NUDC: variants seen among roughly 807,000 people sequenced by gnomAD.
The protein encoded by NUDC is nuclear distribution C, dynein complex regulator.
Under a neutral mutation model 45.0 loss-of-function variants are expected in NUDC, and 14 were observed. That is an observed-to-expected ratio of 0.31 (90% CI 0.21 to 0.49). NUDC has a LOEUF of 0.49. Among genes scored for constraint, NUDC ranks in the 20% least tolerant of loss-of-function variants. The pLI is 0.99. For missense variants in NUDC, 323 were observed against 426.2 expected (o/e 0.76, Z 2.13); for synonymous variants, 153 against 156.7 (o/e 0.98, Z 0.17).
chr1:26,934,942 C>A (rs1179040660), intron 2 of NUDC, among the ~76,000 whole-genome samples: 2 of 151,680 alleles, frequency 1.3e-5, no homozygotes, highest in African/African-American at 4.8e-5. Flanking sequence ...CAGGCGTGAA[C>A]CACCGCGCCC....
At chr1:26,901,704 C>G (rs1183393351) in intron 1 of NUDC, among the ~76,000 whole-genome samples, 3 of 152,046 alleles carry the variant, frequency 2.0e-5, no homozygotes, top group African/African-American at 7.2e-5. Flanking sequence ...CGCACCCGGC[C>G]CTCTTTGTAC....
rs371814052 is a variant in NUDC, at chr1:26,945,598, A to G, written c.856A>G (p.Met286Val). Residue 286 changes from methionine to valine, a missense_variant, in exon 8 of 9, where the codon ATG becomes GTG. Met to Val is a conservative substitution (Grantham distance 21, BLOSUM62 1). This residue lies in a region of NUDC where 54 missense variants were observed against 100.2 expected (regional missense o/e 0.54). Transcript: ENST00000321265. ...AGACCTGGACAGTGAGACTCGCAGCATGGTGGAAAAGATGATGTATGACCA... is the reference window on the plus strand; with the variant it reads ...AGACCTGGACAGTGAGACTCGCAGCGTGGTGGAAAAGATGATGTATGACCA... ...LSDLDSETRS[M>V]VEKMMYDQRQ... The G allele has an allele frequency of 6.2e-6, 10 of 1,614,052 alleles. No individual in the cohort carries two copies. The highest frequency in any genetic ancestry group is 7.6e-6 in the Non-Finnish European group (9 of 1,180,026).
intron 1 of NUDC, among the ~76,000 whole-genome samples, chr1:26,901,626 A>G (rs1343813266): frequency 6.6e-6 from 1 of 152,020 alleles, no homozygotes; most frequent in African/African-American, 2.4e-5. Flanking sequence ...GCTGGTCTCG[A>G]ACTCCTGACC....
At chr1:26,925,439 C>T (rs1471483769) in intron 2 of NUDC, among the ~76,000 whole-genome samples, 3 of 143,856 alleles carry the variant, frequency 2.1e-5, no homozygotes, top group African/African-American at 7.8e-5. Context: ...ACTCTGGAGG[C>T]TGAGGCAGGA....
chr1:26,906,552 C>G (rs773176278), intron 2 of NUDC, among the ~76,000 whole-genome samples: 5 of 151,968 alleles, frequency 3.3e-5, no homozygotes, highest in Non-Finnish European at 2.9e-5. Context: ...GCACAGCTCT[C>G]AATAAATGTT....
At chr1:26,906,827 C>T (rs980124246) in intron 2 of NUDC, among the ~76,000 whole-genome samples, 4 of 151,572 alleles carry the variant, frequency 2.6e-5, no homozygotes, top group South Asian at 2.1e-4. Context: ...CCAGCCTGGG[C>T]GAATGAGCAA....
At chr1:26,937,735 CTT>C (rs1226873978) in intron 2 of NUDC, among the ~76,000 whole-genome samples, 2 of 152,066 alleles carry the variant, frequency 1.3e-5, no homozygotes, top group African/African-American at 4.8e-5. Context: ...TCACTGGAGT[CTT>C]GACCTCCCAG....
At chr1:26,920,435 C>T (rs1391413855), upstream of NUDC, among the ~76,000 whole-genome samples, 1 of 151,450 alleles carries the variant, frequency 6.6e-6, no homozygotes, top group East Asian at 1.9e-4. Context: ...GAGCTGAGAT[C>T]GTGTCACTGC....
upstream of NUDC, among the ~76,000 whole-genome samples, chr1:26,917,190 A>G (rs902910937): frequency 3.9e-5 from 6 of 151,990 alleles, no homozygotes; most frequent in African/African-American, 1.5e-4. Flanking sequence ...CCTGGGAGGC[A>G]GAGGTTGCAG....
rs34988488 is a variant in NUDC, at chr1:26,901,397, C to CTTTTTTT, written c.-100-866_-100-860dup. On this transcript the variant is annotated intron_variant, in intron 1 of 6. Coordinates refer to the NUDC transcript ENST00000435827. Reference sequence around the variant, plus strand: ...TGAGCCACGGTCCCCGCCTTTTTGTCTTTTTTTTTTTTTTTTTTTTTTTTT... The same window carrying CTTTTTTT: ...TGAGCCACGGTCCCCGCCTTTTTGTCTTTTTTTTTTTTTTTTTTTTTTTTTTTTTTTT... Among the ~76,000 whole-genome samples, 70 of 73,618 alleles carry CTTTTTTT rather than the reference C, an allele frequency of 9.5e-4. 1 individual carries two copies. The highest frequency in any genetic ancestry group is 1.1e-3 in the Non-Finnish European group (45 of 39,546). The allele number at this position is 73,618 out of a possible 152,430, so 48.3% of individuals were successfully genotyped here. A position where few individuals can be genotyped will look rare whatever the true frequency, so the allele number is the denominator to read the frequency against.
intron 6 of NUDC, among the ~76,000 whole-genome samples, chr1:26,944,515 T>G (rs140127110): frequency 1.6e-3 from 249 of 151,988 alleles, no homozygotes; most frequent in African/African-American, 5.7e-3. Context: ...GCTTAAAAAC[T>G]TTTTCTGGCT....
chr1:26,907,858 C>T (rs555833724), intron 2 of NUDC, among the ~76,000 whole-genome samples: 1 of 152,298 alleles, frequency 6.6e-6, no homozygotes, highest in East Asian at 1.9e-4. Context: ...GACAAGAACC[C>T]TCCAGAACTT....
intron 2 of NUDC, among the ~76,000 whole-genome samples, chr1:26,910,972 AGG>A (rs71824349): frequency 0.04 from 6,032 of 152,258 alleles, 158 homozygotes; most frequent in South Asian, 0.12. Flanking sequence ...GTGTCATGGA[AGG>A]GTTTCAGACT....
At chr1:26,922,712 C>T (rs921546671) in intron 1 of NUDC, among the ~76,000 whole-genome samples, 3 of 152,204 alleles carry the variant, frequency 2.0e-5, no homozygotes, top group Non-Finnish European at 1.5e-5. Context: ...CAACATGGTT[C>T]TCACCTAGAC....
intron 2 of NUDC, among the ~76,000 whole-genome samples, chr1:26,906,970 G>A (rs764864058): frequency 6.6e-6 from 1 of 152,214 alleles, no homozygotes; most frequent in Non-Finnish European, 1.5e-5. Context: ...CTGCCAGGAA[G>A]AGGAGGTCTC....
intron 2 of NUDC, 62 bp downstream of exon 2, chr1:26,924,228 G>A (rs1243989600): frequency 3.3e-5 from 47 of 1,426,568 alleles, no homozygotes; most frequent in Middle Eastern, 1.7e-4. Context: ...AAGCTCACCT[G>A]GCCTTTCTTT....
intron 2 of NUDC, among the ~76,000 whole-genome samples, chr1:26,928,208 A>G (rs1180697269): frequency 1.3e-5 from 2 of 152,198 alleles, no homozygotes; most frequent in East Asian, 3.8e-4. Context: ...TCAGTTCAGT[A>G]GGCAAAGCAT....
chr1:26,922,114 C>A, intron 1 of NUDC, 185 bp downstream of exon 1: 1 of 630,666 alleles, frequency 1.6e-6, no homozygotes, highest in Non-Finnish European at 2.8e-6. Flanking sequence ...TCGCATCAGT[C>A]CCGGGCCCCC....
At chr1:26,913,398 T>G in intron 3 of NUDC, 1 of 1,613,876 alleles carries the variant, frequency 6.2e-7, no homozygotes, top group South Asian at 1.1e-5. Flanking sequence ...CAGGAGTGTC[T>G]GGGAGCTCAC....
Sources: allele counts gnomAD v4.1 joint callset (sites outside exome capture counted in the v4.1 genomes callset), GRCh38; gene constraint gnomAD v4.1.1; regional missense constraint gnomAD v4.1.1; transcripts MANE v1.5; gene names NCBI Gene and HGNC (gene_info 2026-07-23, HGNC 2026-07-21).